Variants in C1R observed in about 807,000 individuals in gnomAD.
C1R encodes the protein complement C1r, also known as complement C1r subcomponent.
In C1R, 15 loss-of-function variants were observed where a neutral mutation model predicts 27.6. The ratio of observed to expected loss-of-function variants is 0.54; its 90% CI spans 0.36 to 0.84. The LOEUF (loss-of-function observed/expected upper bound fraction) is 0.84. Among genes scored for constraint, C1R ranks in the 40% least tolerant of loss-of-function variants. The probability of loss-of-function intolerance (pLI) is 0.01; values close to 1 mark genes in which losing one functional copy is unlikely to be tolerated. For synonymous variants in C1R, 253 were observed against 228.8 expected (o/e 1.11, Z -0.95); for missense variants, 544 against 577.9 (o/e 0.94, Z 0.60).
rs1373231747 is a variant in C1R, at chr12:7,086,361, C to T, written c.1117+18G>A. On this transcript the variant is annotated intron_variant, in intron 8 of 10. Transcript: ENST00000647956. ...AGGTGGGAGGTCCCCAGGGTCATAT[C>T]CCTGAATTGTGACTTACTCTTGCAT... is the stretch of plus-strand genomic sequence containing the variant. The T allele has an allele frequency of 2.5e-6, 1 of 398,522 alleles. No homozygotes were observed. Among genetic ancestry groups the T allele is most frequent in the African/African-American group, 2.1e-5 (1 of 48,612 alleles). The allele number at this position is 398,522 out of a possible 1,614,324, so 24.7% of individuals were successfully genotyped here. A position where few individuals can be genotyped will look rare whatever the true frequency, so the allele number is the denominator to read the frequency against.
chr12:7,080,352 C>T lies in C1R; in HGVS notation c.*180G>A, dbSNP rs1938030660. 13 of 1,338,906 alleles carry T rather than the reference C, an allele frequency of 9.7e-6. No individual in the cohort carries two copies. Among genetic ancestry groups the T allele is most frequent in the Non-Finnish European group, 1.2e-5 (13 of 1,049,850 alleles). 82.9% of individuals were successfully genotyped at this position (1,338,906 alleles called of 1,614,324 possible). ...AATCCTCAGAAGAAAGAAAGGGGCC[C>T]TTTGGGTTGTTTCAGGTAAAGTACA... On this transcript the variant is annotated 3_prime_UTR_variant, in exon 11 of 11. Coordinates refer to ENST00000647956, the MANE Select transcript of C1R (RefSeq NM_001733.7). The surrounding 1 kb of genome is among the most constrained non-coding windows in gnomAD (Gnocchi z 4.9).
Position 7,091,525 on chromosome 12 carries a change from C to A in C1R, c.158G>T (p.Gly53Val), listed in dbSNP as rs1181587267. The change falls in exon 2 of 11, where the codon GGA becomes GTA. Residue 53 changes from glycine to valine, a missense_variant. This residue lies in a region of C1R where 291 missense variants were observed against 209.0 expected (regional missense o/e 1.39). Coordinates refer to ENST00000647956, the MANE Select transcript of C1R (RefSeq NM_001733.7). This position sits in a 1 kb window ranked among gnomAD's most constrained non-coding sequence, Gnocchi z 5.1. ...CTGGAAGACGAGCTTCACCCTGTAT[C>A]CCGTGGGGACTGTGATCACAGTGGT... ...ETTTVITVPT[G>V]YRVKLVFQQF... The A allele has an allele frequency of 2.6e-6, 2 of 778,830 alleles. No homozygotes were observed. The highest frequency in any genetic ancestry group is 2.4e-6 in the Non-Finnish European group (1 of 417,130). 48.2% of individuals were successfully genotyped at this position (778,830 alleles called of 1,614,324 possible). A position where few individuals can be genotyped will look rare whatever the true frequency, so the allele number is the denominator to read the frequency against.
rs113182443 is a variant in C1R, at chr12:7,089,443, G to A, written c.618C>T (p.Ser206=). 1,563 of 779,012 alleles carry A rather than the reference G, an allele frequency of 2.0e-3. 21 individuals carry two copies. Among genetic ancestry groups the A allele is most frequent in the African/African-American group, 0.019 (1,099 of 59,250 alleles). The allele number at this position is 779,012 out of a possible 1,614,324, so 48.3% of individuals were successfully genotyped here. A position where few individuals can be genotyped will look rare whatever the true frequency, so the allele number is the denominator to read the frequency against. ...ELYTEASGYI[S]SLEYPRSYPP... ...GGTAGGACCGAGGGTACTCCAGGCT[G>A]GAGATGTAGCCTGATGCCTCCGTGT... Residue 206 remains serine (S), a synonymous_variant, in exon 5 of 11, where the codon TCC becomes TCT. Transcript: ENST00000647956.
intron 9 of C1R, 102 bp from the exon 10 acceptor site, chr12:7,082,208 A>G: frequency 1.4e-6 from 1 of 720,344 alleles, no homozygotes; most frequent in Non-Finnish European, 2.5e-6. Context: ...GGAGAGGGGC[A>G]GGGAGGAGCC....
At chr12:7,081,993 T>C (rs1324440410) in intron 10 of C1R, 39 bp downstream of exon 10, 2 of 1,525,628 alleles carry the variant, frequency 1.3e-6, no homozygotes, top group Non-Finnish European at 1.8e-6. Flanking sequence ...TGCAGGCTGC[T>C]AAAGACCCTG....
In C1R at chr12:7,091,823, A is replaced by T; in HGVS notation, c.3-143T>A. On this transcript the variant is annotated intron_variant, in intron 1 of 10. Coordinates refer to ENST00000647956, the MANE Select transcript of C1R (RefSeq NM_001733.7). The surrounding 1 kb of genome is among the most constrained non-coding windows in gnomAD (Gnocchi z 5.1). ...CCCTGAACCTCACAGACATGTTCTC[A>T]GCAGGGGTGCGTGGGTGGGGAGGAT... The T allele has an allele frequency of 1.4e-6, 1 of 705,606 alleles. No homozygotes were observed. Among genetic ancestry groups the T allele is most frequent in the South Asian group, 1.5e-5 (1 of 66,740 alleles). The allele number at this position is 705,606 out of a possible 1,614,324, so 43.7% of individuals were successfully genotyped here. A position where few individuals can be genotyped will look rare whatever the true frequency, so the allele number is the denominator to read the frequency against.
chr12:7,081,929 T>C, intron 10 of C1R, 103 bp downstream of exon 10: 1 of 927,900 alleles, frequency 1.1e-6, no homozygotes, highest in Non-Finnish European at 1.6e-6. Flanking sequence ...CCTGGGATGT[T>C]CCCCTCTTCT....
chr12:7,080,496 A>T lies in C1R; in HGVS notation c.*36T>A, dbSNP rs374208329. On this transcript the variant is annotated 3_prime_UTR_variant, in exon 11 of 11. Transcript: ENST00000647956. This position sits in a 1 kb window ranked among gnomAD's most constrained non-coding sequence, Gnocchi z 4.9. Reference sequence around the variant, plus strand: ...TTGTTTTTTGTTTTTTTTTTTCCACACTGCTCTCTGGATTCGAACCTAGTG... The same window carrying T: ...TTGTTTTTTGTTTTTTTTTTTCCACTCTGCTCTCTGGATTCGAACCTAGTG... The T allele has an allele frequency of 6.1e-5, 92 of 1,510,522 alleles. No homozygotes were observed. In the African/African-American group the frequency reaches 1.1e-3, roughly 19 times the overall value. The allele number at this position is 1,510,522 out of a possible 1,614,324, so 93.6% of individuals were successfully genotyped here. A position where few individuals can be genotyped will look rare whatever the true frequency, so the allele number is the denominator to read the frequency against.
chr12:7,091,337 T>C lies in C1R; in HGVS notation c.231+115A>G, dbSNP rs1367992877. 6.0e-5 allele frequency: 40 copies of C among 665,994 alleles called. No individual in the cohort carries two copies. The highest frequency in any genetic ancestry group is 2.7e-6 in the Non-Finnish European group (1 of 370,692). The allele number at this position is 665,994 out of a possible 1,614,324, so 41.3% of individuals were successfully genotyped here. On this transcript the variant is annotated intron_variant, in intron 2 of 10. Coordinates refer to ENST00000647956, the MANE Select transcript of C1R (RefSeq NM_001733.7). The surrounding 1 kb of genome is among the most constrained non-coding windows in gnomAD (Gnocchi z 5.1). ...CATCCCCGGGCTCTCAGAGAGGCCGTTGGCCATCAGCTCTTGTGGGGCTGG... is the reference window on the plus strand; with the variant it reads ...CATCCCCGGGCTCTCAGAGAGGCCGCTGGCCATCAGCTCTTGTGGGGCTGG...
chr12:7,081,476 GTTTTTT>G (rs370513331), intron 10 of C1R, among the ~76,000 whole-genome samples, 175 bp from the exon 11 acceptor site: 179 of 134,764 alleles, frequency 1.3e-3, no homozygotes, highest in African/African-American at 4.7e-3. Context: ...TCTTGTTCTT[GTTTTTT>G]TTTTTTTTTT....
At position 7,091,445 on chromosome 12, in the gene C1R, C is replaced by T. The variant is rs1256000676; in HGVS notation, c.231+7G>A. ...GTCTCCCCTCTGCCCGCCCATCCTG[C>T]CCCTACCTTGACATAATCATAGAAG... On this transcript the variant is annotated splice_region_variant and intron_variant, in intron 2 of 10. Transcript: ENST00000647956. This position sits in a 1 kb window ranked among gnomAD's most constrained non-coding sequence, Gnocchi z 5.1. The T allele has an allele frequency of 1.3e-6, 1 of 753,058 alleles. No homozygotes were observed. Among genetic ancestry groups the T allele is most frequent in the East Asian group, 2.5e-5 (1 of 39,972 alleles). 46.6% of individuals were successfully genotyped at this position (753,058 alleles called of 1,614,324 possible).
intron 7 of C1R, 90 bp downstream of exon 7, chr12:7,088,520 T>C (rs1233104441): frequency 1.4e-6 from 1 of 718,240 alleles, no homozygotes; most frequent in Admixed American, 2.0e-5. Context: ...CGACTCCAGC[T>C]GGGGTGAGAC....
chr12:7,089,158 A>G lies in C1R; in HGVS notation c.768+135T>C. 3 of 644,592 alleles carry G rather than the reference A, an allele frequency of 4.7e-6. No individual in the cohort carries two copies. In the South Asian group the frequency reaches 5.3e-5, roughly 11 times the overall value. 39.9% of individuals were successfully genotyped at this position (644,592 alleles called of 1,614,324 possible). The stretch of plus-strand genomic sequence containing the variant: ...ATGACCCAATTCTAGTTGTGTGGGA[A>G]CTTACCCAGCCCATGGGTGATGTTG... On this transcript the variant is annotated intron_variant, in intron 5 of 10. Transcript: ENST00000647956.
chr12:7,085,878 C>A lies in C1R; in HGVS notation c.1256G>T (p.Ser419Ile). The A allele has an allele frequency of 2.5e-6, 1 of 398,666 alleles. No individual in the cohort carries two copies. Among genetic ancestry groups the A allele is most frequent in the East Asian group, 3.6e-5 (1 of 28,088 alleles). The allele number at this position is 398,666 out of a possible 1,614,324, so 24.7% of individuals were successfully genotyped here. The change falls in exon 9 of 11, where the codon AGC (serine) becomes ATC (isoleucine). Residue 419 changes from serine (S) to isoleucine (I), a missense_variant. Ser to Ile is a moderately radical substitution (Grantham distance 142). Around this residue, in one of 2 missense-constraint regions of C1R, gnomAD observed 291 missense variants for 209.0 expected, o/e 1.39. Coordinates refer to ENST00000647956, the MANE Select transcript of C1R (RefSeq NM_001733.7). ...PYYKMQTRAG[S>I]RESEQGVYTC... is the part of the protein sequence containing the mutation. ...GTCCCTACCTTGCTCAGACTCCCTG[C>A]TGCCAGCTCTGGTCTGCATCTTGTA...
At chr12:7,090,348 T>A in intron 2 of C1R, 100 bp from the exon 3 acceptor site, 1 of 637,590 alleles carries the variant, frequency 1.6e-6, no homozygotes, top group East Asian at 2.7e-5. Context: ...GAGTGCATCA[T>A]GCACCACAAT....
At position 7,089,746 on chromosome 12, in the gene C1R, C is replaced by T. The variant is rs1318072859; in HGVS notation, c.425-13G>A. 3 of 779,946 alleles carry T rather than the reference C, an allele frequency of 3.8e-6. No homozygotes were observed. The African/African-American group carries it at 5.1e-5, about 13-fold the overall frequency. 48.3% of individuals were successfully genotyped at this position (779,946 alleles called of 1,614,324 possible). ...CATTCATCAAGGTCTGGAAGGCATT[C>T]AGGAAGGAGGGTTAAGCTTCTGCTG... On this transcript the variant is annotated splice_polypyrimidine_tract_variant and intron_variant, in intron 3 of 10. Transcript: ENST00000647956.
intron 10 of C1R, among the ~76,000 whole-genome samples, chr12:7,081,794 C>T (rs1278290455): frequency 6.6e-6 from 1 of 152,008 alleles, no homozygotes; most frequent in African/African-American, 2.4e-5. Flanking sequence ...CGTCTTGCCC[C>T]TTGTTCTTGT....
rs760802733 is a variant in C1R, at chr12:7,088,589, C to A, written c.1038+21G>T. On this transcript the variant is annotated intron_variant, in intron 7 of 10. Transcript: ENST00000647956. ...CCTGGGGTGCTGGGCCGGCTCTCTCCCCTCAGCCCTGGGCTCTTACCTCTA... is the reference window on the plus strand; with the variant it reads ...CCTGGGGTGCTGGGCCGGCTCTCTCACCTCAGCCCTGGGCTCTTACCTCTA... The A allele has an allele frequency of 4.4e-5, 32 of 719,490 alleles. No homozygotes were observed. In the South Asian group the frequency reaches 4.6e-4, roughly 10 times the overall value. The allele number at this position is 719,490 out of a possible 1,614,324, so 44.6% of individuals were successfully genotyped here.
intron 2 of C1R, 134 bp from the exon 3 acceptor site, chr12:7,090,382 T>G (rs1938248892): frequency 1.6e-6 from 1 of 608,478 alleles, no homozygotes. Flanking sequence ...CACTACCTGC[T>G]GGGCTCAGCT....
Sources: allele counts gnomAD v4.1 joint callset (sites outside exome capture counted in the v4.1 genomes callset), GRCh38; gene constraint gnomAD v4.1.1; regional missense constraint gnomAD v4.1.1; non-coding constraint Gnocchi (gnomAD v3.1); transcripts MANE v1.5; gene names NCBI Gene and HGNC (gene_info 2026-07-23, HGNC 2026-07-21).